Variants in PLCB4 observed in about 807,000 individuals in gnomAD.
PLCB4 encodes the protein phospholipase C beta 4.
A neutral mutation model predicts 178.8 loss-of-function variants in PLCB4; 77 were observed. The observed-to-expected ratio is 0.43, with a 90% CI of 0.36 to 0.52. PLCB4 has a LOEUF of 0.52. PLCB4 is among the 20% of genes least tolerant of loss of function. The pLI is 0.00. For synonymous variants in PLCB4, 496 were observed against 490.8 expected (o/e 1.01, Z -0.14); for missense variants, 1,024 against 1,453.4 (o/e 0.70, Z 4.80).
chr20:9,305,964 G>T (rs1327746395), intron 3 of PLCB4, among the ~76,000 whole-genome samples: 1 of 151,976 alleles, frequency 6.6e-6, no homozygotes, highest in South Asian at 2.1e-4. Flanking sequence ...TATATTTGGG[G>T]GTGTATATCT....
At chr20:9,336,145 G>A (rs1000281942) in intron 4 of PLCB4, among the ~76,000 whole-genome samples, 6 of 152,128 alleles carry the variant, frequency 3.9e-5, no homozygotes, top group Non-Finnish European at 8.8e-5. Context: ...GCATTGAAAT[G>A]ATCTAGGAAG....
At chr20:9,303,822 T>C (rs887060716) in intron 3 of PLCB4, among the ~76,000 whole-genome samples, 2 of 152,230 alleles carry the variant, frequency 1.3e-5, no homozygotes, top group African/African-American at 4.8e-5. Flanking sequence ...AAATGTATTT[T>C]AACTTTGAAA....
intron 15 of PLCB4, 27 bp downstream of exon 15, chr20:9,387,583 T>A: frequency 9.4e-7 from 1 of 1,067,358 alleles, no homozygotes; most frequent in South Asian, 1.4e-5. Flanking sequence ...TTACACAGAC[T>A]TTTCCAAACT....
In PLCB4 at chr20:9,385,859, C is replaced by T. The variant is rs995752863; in HGVS notation, c.1064+1448C>T. ...CCCACTTCCTAGACGGGGTGGCGGC[C>T]GGGCAGAGGCTGTAATCTTAGCACT... On this transcript the variant is annotated intron_variant, in intron 14 of 39. Transcript: ENST00000378473. Among the ~76,000 whole-genome samples, 33 of 151,044 alleles carry T rather than the reference C, an allele frequency of 2.2e-4. 1 individual carries two copies. The highest frequency in any genetic ancestry group is 1.2e-3 in the Admixed American group (18 of 15,116).
chr20:9,407,788 TGAG>T, intron 21 of PLCB4, 126 bp from the exon 22 acceptor site: 1 of 675,766 alleles, frequency 1.5e-6, no homozygotes. Flanking sequence ...TTAGCATAAT[TGAG>T]GAAGAAAAAG....
rs754894972 is a variant in PLCB4, at chr20:9,371,898, C to T, written c.586-405C>T. Among the ~76,000 whole-genome samples, 36 of 152,108 alleles carry T rather than the reference C, an allele frequency of 2.4e-4. 1 individual carries two copies. The highest frequency in any genetic ancestry group is 8.3e-4 in the South Asian group (4 of 4,822). On this transcript the variant is annotated intron_variant, in intron 10 of 39. Coordinates refer to ENST00000378473, the MANE Select transcript of PLCB4 (RefSeq NM_001377142.1). ...AAATCTTACATGGTTACCCTAAGCC[C>T]GTTCACATGGTCTTGCAAAAATTCA...
rs111307673 is a variant in PLCB4 at position 9,171,953 on chromosome 20, C to T, written c.-78-45437C>T. Among the ~76,000 whole-genome samples the T allele has an allele frequency of 2.7e-3, 405 of 152,210 alleles. 2 individuals carry two copies. The highest frequency in any genetic ancestry group is 7.8e-3 in the African/African-American group (325 of 41,540). ...TGCAAACATGATAAACCTCATTTTC[C>T]CCTTCCCCTGTCAACTTGTCAAGAA... On this transcript the variant is annotated intron_variant, in intron 2 of 39. Coordinates refer to ENST00000378473, the MANE Select transcript of PLCB4 (RefSeq NM_001377142.1).
At chr20:9,376,408 T>C (rs2036675236) in intron 12 of PLCB4, among the ~76,000 whole-genome samples, 1 of 152,224 alleles carries the variant, frequency 6.6e-6, no homozygotes, top group African/African-American at 2.4e-5. Flanking sequence ...CCTTCTGTTA[T>C]TCTCCATTAA....
In PLCB4 at chr20:9,198,517, T is replaced by C. The variant is rs550442385; in HGVS notation, c.-78-18873T>C. ...TATTGAAAGGGAATTGCAGTCCTAT[T>C]TCTGCAGCAGAACTAATGTGAAAGG... is the stretch of plus-strand genomic sequence containing the variant. On this transcript the variant is annotated intron_variant, in intron 2 of 39. Coordinates refer to ENST00000378473, the MANE Select transcript of PLCB4 (RefSeq NM_001377142.1). Among the ~76,000 whole-genome samples, 18 of 152,230 alleles carry C rather than the reference T, an allele frequency of 1.2e-4. 1 individual carries two copies. The highest frequency in any genetic ancestry group is 2.5e-4 in the Non-Finnish European group (17 of 68,036).
chr20:9,102,431 T>C (rs907403843), intron 2 of PLCB4, among the ~76,000 whole-genome samples: 3 of 152,320 alleles, frequency 2.0e-5, no homozygotes, highest in Non-Finnish European at 2.9e-5. Flanking sequence ...GTTCGAGATA[T>C]ACATTTTGCT....
intron 2 of PLCB4, among the ~76,000 whole-genome samples, chr20:9,215,084 C>T (rs2093714985): frequency 6.6e-6 from 1 of 152,086 alleles, no homozygotes; most frequent in Admixed American, 6.5e-5. Context: ...TTCATAGCCT[C>T]AGGAGACATA....
At chr20:9,106,554 C>G (rs546167949) in intron 2 of PLCB4, among the ~76,000 whole-genome samples, 10 of 152,052 alleles carry the variant, frequency 6.6e-5, no homozygotes, top group African/African-American at 1.9e-4. Context: ...CACACACACA[C>G]ACACACAAAA....
intron 1 of PLCB4, among the ~76,000 whole-genome samples, chr20:9,080,500 A>C (rs1439947233): frequency 6.6e-6 from 1 of 152,132 alleles, no homozygotes; most frequent in Non-Finnish European, 1.5e-5. Flanking sequence ...AGATTAATTC[A>C]TTTTTGCTTT....
intron 12 of PLCB4, among the ~76,000 whole-genome samples, chr20:9,377,288 C>T (rs1194950705): frequency 6.6e-6 from 1 of 152,032 alleles, no homozygotes; most frequent in East Asian, 1.9e-4. Flanking sequence ...GGTGAATAAC[C>T]TGAGTAACTT....
At chr20:9,103,816 A>C (rs2091268855) in intron 2 of PLCB4, among the ~76,000 whole-genome samples, 1 of 152,164 alleles carries the variant, frequency 6.6e-6, no homozygotes, top group Middle Eastern at 3.2e-3. Context: ...AATAACTAAG[A>C]GGCTAAATTA....
intron 14 of PLCB4, among the ~76,000 whole-genome samples, chr20:9,385,830 G>T (rs1400506459): frequency 6.6e-6 from 1 of 152,184 alleles, no homozygotes; most frequent in Non-Finnish European, 1.5e-5. Context: ...AGGCAGAGAT[G>T]CTCCCCACTT....
At chr20:9,128,330 C>G (rs1307374935) in intron 2 of PLCB4, among the ~76,000 whole-genome samples, 1 of 152,094 alleles carries the variant, frequency 6.6e-6, no homozygotes. Flanking sequence ...GAACTATGAG[C>G]CAATTAAACC....
chr20:9,130,565 T>G (rs376471044), intron 2 of PLCB4, among the ~76,000 whole-genome samples: 6 of 152,328 alleles, frequency 3.9e-5, no homozygotes, highest in Middle Eastern at 3.4e-3. Flanking sequence ...TTAAAGTCAT[T>G]GAAAGAGTAT....
intron 3 of PLCB4, among the ~76,000 whole-genome samples, chr20:9,253,570 A>G (rs1462492205): frequency 6.6e-6 from 1 of 152,040 alleles, no homozygotes; most frequent in South Asian, 2.1e-4. Flanking sequence ...CATCTTGCAC[A>G]CTTCCAGTCT....
Sources: allele counts gnomAD v4.1 joint callset (sites outside exome capture counted in the v4.1 genomes callset), GRCh38; gene constraint gnomAD v4.1.1; transcripts MANE v1.5; gene names NCBI Gene and HGNC (gene_info 2026-07-23, HGNC 2026-07-21).